Variants in NCKAP5L observed in about 807,000 individuals in gnomAD.
The protein encoded by NCKAP5L is NCK associated protein 5 like, also known as nck-associated protein 5-like.
In NCKAP5L, 54 loss-of-function variants were observed where a neutral mutation model predicts 103.2. The observed-to-expected ratio is 0.52, with a 90% CI of 0.42 to 0.66. The LOEUF (loss-of-function observed/expected upper bound fraction) is 0.66. Ranked by LOEUF, NCKAP5L falls within the 30% of genes least tolerant of loss-of-function variation. The pLI, the probability that NCKAP5L is intolerant of heterozygous loss-of-function variation, is 0.00. For synonymous variants in NCKAP5L, 762 were observed against 748.6 expected (o/e 1.02, Z -0.29); for missense variants, 1,733 against 1,750.6 (o/e 0.99, Z 0.18).
intron 1 of NCKAP5L, among the ~76,000 whole-genome samples, chr12:49,810,925 C>T (rs1370200768): frequency 2.0e-5 from 3 of 152,142 alleles, no homozygotes; most frequent in Non-Finnish European, 4.4e-5. Flanking sequence ...AAGTTGGAGT[C>T]ATTTTTCTAG....
intron 1 of NCKAP5L, among the ~76,000 whole-genome samples, chr12:49,823,181 T>C (rs1043852831): frequency 5.3e-5 from 8 of 151,928 alleles, no homozygotes; most frequent in African/African-American, 1.9e-4. Context: ...TGGGTAAAAG[T>C]TGGGTTTATT....
At chr12:49,817,634 G>C (rs1003566892) in intron 1 of NCKAP5L, among the ~76,000 whole-genome samples, 2 of 152,000 alleles carry the variant, frequency 1.3e-5, no homozygotes, top group African/African-American at 4.8e-5. Flanking sequence ...TAGATGAATG[G>C]TTCAGAATAG....
At chr12:49,826,255 T>A (rs1256306489) in intron 1 of NCKAP5L, among the ~76,000 whole-genome samples, 1 of 152,000 alleles carries the variant, frequency 6.6e-6, no homozygotes, top group Admixed American at 6.6e-5. Flanking sequence ...CTAAAACAAG[T>A]CCCAACAGCT....
Position 49,794,813 on chromosome 12 carries a change from G to T in NCKAP5L, c.3047C>A (p.Ala1016Asp). The change falls in exon 8 of 13, where the codon GCT (alanine) becomes GAT (aspartate). Residue 1016 changes from alanine (A) to aspartate (D), a missense_variant. Physicochemically the swap from Ala to Asp is moderately radical, Grantham distance 126. Transcript: ENST00000335999. The part of the protein sequence containing the change: ...TGLGQVQGQL[A>D]GMYQGADTFM... ...GGTGTCTGCACCTTGGTACATGCCAGCCAGCTGGCCCTGCACCTGCCCCAG... is the reference window on the plus strand; with the variant it reads ...GGTGTCTGCACCTTGGTACATGCCATCCAGCTGGCCCTGCACCTGCCCCAG... 6.5e-7 allele frequency: 1 copy of T among 1,544,222 alleles called. No homozygotes were observed. The highest frequency in any genetic ancestry group is 1.2e-5 in the South Asian group (1 of 82,024).
intron 1 of NCKAP5L, among the ~76,000 whole-genome samples, chr12:49,817,951 A>T (rs1211891643): frequency 6.6e-6 from 1 of 152,168 alleles, no homozygotes; most frequent in East Asian, 1.9e-4. Context: ...CAACATGGTG[A>T]AACCTCATCT....
chr12:49,791,954 G>T lies in NCKAP5L; in HGVS notation c.3890C>A (p.Ser1297Ter), dbSNP rs749398110. 6.2e-7 allele frequency: 1 copy of T among 1,611,990 alleles called. No homozygotes were observed. ...PFGGSRTPST[S>*]DMAEEGRVAS... ...CACTCTGCCTTCCTCGGCCATGTCC[G>T]AAGTGCTGGGGGTGCGGCTACCCCC... The change falls in exon 13 of 13, where the codon TCG becomes TAG. Residue 1297 changes from serine to a stop codon, truncating the protein, a stop_gained. Transcript: ENST00000335999. LOFTEE classifies it high-confidence loss of function.
At position 49,794,908 on chromosome 12, in the gene NCKAP5L, C is replaced by T. The variant is rs977771867; in HGVS notation, c.2952G>A (p.Glu984=). ...CCCGGCTGCTTAGGTAGGCCTTCTC[C>T]TCTTCCAGTGCCCGACGCAGGTCTT... is the stretch of plus-strand genomic sequence containing the variant. ...KAEDLRRALE[E]EKAYLSSRAR... Residue 984 remains glutamate, a synonymous_variant, in exon 8 of 13, where the codon GAG becomes GAA. Transcript: ENST00000335999. 2.6e-6 allele frequency: 4 copies of T among 1,535,752 alleles called. No homozygotes were observed. Among genetic ancestry groups the T allele is most frequent in the Non-Finnish European group, 3.5e-6 (4 of 1,141,448 alleles).
intron 5 of NCKAP5L, 128 bp downstream of exon 5, chr12:49,802,830 C>T: frequency 7.9e-6 from 9 of 1,142,036 alleles, no homozygotes; most frequent in Non-Finnish European, 1.1e-5. Context: ...ACAGAATGGA[C>T]CCGCCCAAGG....
Position 49,795,821 on chromosome 12 carries a change from C to T in NCKAP5L, c.2039G>A (p.Gly680Asp). The change falls in exon 8 of 13, where the codon GGC (glycine) becomes GAC (aspartate). Residue 680 changes from glycine (G) to aspartate (D), a missense_variant. Gly to Asp is a moderately conservative substitution (Grantham distance 94). Coordinates refer to ENST00000335999, the MANE Select transcript of NCKAP5L (RefSeq NM_001037806.4). ...GGCTGGCACCCCATTCTTCTCTGAG[C>T]CCAGGGCCCCCTCGGGGCCTGTCTT... is the stretch of plus-strand genomic sequence containing the variant. The part of the protein sequence containing the change: ...KLKTGPEGAL[G>D]SEKNGVPARP... The T allele has an allele frequency of 6.4e-7, 1 of 1,567,530 alleles. No homozygotes were observed. The highest frequency in any genetic ancestry group is 1.2e-5 in the South Asian group (1 of 85,702).
chr12:49,826,773 G>A (rs1199948660), intron 1 of NCKAP5L, among the ~76,000 whole-genome samples: 1 of 152,096 alleles, frequency 6.6e-6, no homozygotes, highest in East Asian at 1.9e-4. Context: ...ATTGATACCC[G>A]CTTGCTCCCC....
intron 1 of NCKAP5L, among the ~76,000 whole-genome samples, chr12:49,821,180 G>A (rs1946357465): frequency 6.6e-6 from 1 of 152,192 alleles, no homozygotes; most frequent in South Asian, 2.1e-4. Flanking sequence ...AAAGCCAAGA[G>A]TTTTAGCCTT....
chr12:49,794,680 G>C, intron 8 of NCKAP5L, 85 bp downstream of exon 8: 1 of 1,109,240 alleles, frequency 9.0e-7, no homozygotes, highest in South Asian at 1.9e-5. Context: ...GGAAAAGCAG[G>C]CCTAGCTCCA....
rs1397917490 is a variant in NCKAP5L, at chr12:49,796,462, C to T, written c.1398G>A (p.Glu466=). Residue 466 remains glutamate (E), a synonymous_variant, in exon 8 of 13, where the codon GAG becomes GAA. Coordinates refer to ENST00000335999, the MANE Select transcript of NCKAP5L (RefSeq NM_001037806.4). ...GCGGGCCTCCTGGGCTGGGGCTCTT[C>T]TCCGAGGTTGGAGGCAGCTTTAGAA... The part of the protein sequence containing the change: ...LKFLKLPPTS[E]KSPSPGGPQL... The T allele has an allele frequency of 2.0e-6, 3 of 1,533,158 alleles. No homozygotes were observed. Among genetic ancestry groups the T allele is most frequent in the East Asian group, 2.3e-5 (1 of 43,994 alleles). The allele number at this position is 1,533,158 out of a possible 1,614,324, so 95.0% of individuals were successfully genotyped here.
At chr12:49,821,766 T>C (rs1183731420) in intron 1 of NCKAP5L, among the ~76,000 whole-genome samples, 1 of 152,264 alleles carries the variant, frequency 6.6e-6, no homozygotes, top group African/African-American at 2.4e-5. Context: ...CGGCACACAG[T>C]AAATTCTAAA....
At chr12:49,802,918 T>A in intron 5 of NCKAP5L, 40 bp downstream of exon 5, 2 of 1,596,910 alleles carry the variant, frequency 1.3e-6, no homozygotes, top group Non-Finnish European at 1.7e-6. Flanking sequence ...TCTCATCTGC[T>A]GTGCCCAGGG....
intron 1 of NCKAP5L, among the ~76,000 whole-genome samples, chr12:49,819,032 A>T (rs1342422588): frequency 1.3e-4 from 14 of 106,194 alleles, no homozygotes; most frequent in South Asian, 3.9e-4. Flanking sequence ...CCTTGTATTT[A>T]AAAAAAAAAA....
chr12:49,803,190 G>A (rs1215041568), intron 3 of NCKAP5L, 25 bp from the exon 4 acceptor site: 1 of 1,611,282 alleles, frequency 6.2e-7, no homozygotes, highest in Non-Finnish European at 8.5e-7. Flanking sequence ...GAGGAAGAGG[G>A]CAAAAAGGTG....
chr12:49,803,197 G>T (rs1004728616), intron 3 of NCKAP5L, 32 bp from the exon 4 acceptor site: 2 of 1,611,240 alleles, frequency 1.2e-6, no homozygotes, highest in East Asian at 2.2e-5. Flanking sequence ...AGGGCAAAAA[G>T]GTGGCTTTGG....
intron 9 of NCKAP5L, 38 bp from the exon 10 acceptor site, chr12:49,793,471 C>A: frequency 1.3e-6 from 2 of 1,588,828 alleles, no homozygotes; most frequent in Non-Finnish European, 1.7e-6. Flanking sequence ...TCCACTCCTC[C>A]CCCCTCCACA....
Sources: allele counts gnomAD v4.1 joint callset (sites outside exome capture counted in the v4.1 genomes callset), GRCh38; gene constraint gnomAD v4.1.1; transcripts MANE v1.5; gene names NCBI Gene and HGNC (gene_info 2026-07-23, HGNC 2026-07-21).